USP24: variants seen among roughly 807,000 people sequenced by gnomAD.
USP24 encodes the protein ubiquitin carboxyl-terminal hydrolase 24.
Under a neutral mutation model 361.6 loss-of-function variants are expected in USP24, and 97 were observed. That is an observed-to-expected ratio of 0.27 (90% confidence interval 0.23 to 0.32). USP24 has a LOEUF of 0.32. USP24 is among the 10% of genes least tolerant of loss of function. The probability of loss-of-function intolerance (pLI) is 1.00; values close to 1 mark genes in which losing one functional copy is unlikely to be tolerated. For missense variants in USP24, 2,353 were observed against 3,165.6 expected (o/e 0.74, Z 6.16); for synonymous variants, 1,098 against 1,124.6 (o/e 0.98, Z 0.47).
At position 55,215,175 on chromosome 1, in the gene USP24, G is replaced by A. The variant is rs1164860443; in HGVS notation, c.-62C>T. On this transcript the variant is annotated 5_prime_UTR_variant, in exon 1 of 68. Coordinates refer to ENST00000294383, the MANE Select transcript of USP24 (RefSeq NM_015306.3). ...CGAAGCTACGGGTCCCGGGCCTGGC[G>A]GGCCGCGCGGCGCACCCTCCGCGCC... 50 of 1,191,208 alleles carry A rather than the reference G, an allele frequency of 4.2e-5. No homozygotes were observed. Among genetic ancestry groups the A allele is most frequent in the Middle Eastern group, 2.9e-4 (1 of 3,478 alleles). The allele number at this position is 1,191,208 out of a possible 1,614,324, so 73.8% of individuals were successfully genotyped here. A position where few individuals can be genotyped will look rare whatever the true frequency, so the allele number is the denominator to read the frequency against.
intron 59 of USP24, among the ~76,000 whole-genome samples, chr1:55,080,885 A>G (rs1045240381): frequency 6.6e-6 from 1 of 152,184 alleles, no homozygotes; most frequent in Non-Finnish European, 1.5e-5. Flanking sequence ...TGTTTTTACA[A>G]AGTACTTTAT....
At chr1:55,165,218 A>G (rs1648705129) in intron 7 of USP24, among the ~76,000 whole-genome samples, 3 of 152,162 alleles carry the variant, frequency 2.0e-5, no homozygotes, top group Admixed American at 2.0e-4. Flanking sequence ...TGTACTGATC[A>G]AATTACAGCA....
intron 52 of USP24, chr1:55,093,651 C>T (rs963677206): frequency 2.5e-5 from 7 of 274,662 alleles, no homozygotes; most frequent in Non-Finnish European, 4.8e-5. Flanking sequence ...CTTTACTGCC[C>T]ACTCCCCACA....
chr1:55,069,012 T>C lies in USP24; in HGVS notation c.*33A>G. On this transcript the variant is annotated 3_prime_UTR_variant, in exon 68 of 68. Transcript: ENST00000294383. ...AGAAGGTGCTGAGCATCCAGTATTGTGTCTTGACTCCTCTCAGGCTGGGCA... is the reference window on the plus strand; with the variant it reads ...AGAAGGTGCTGAGCATCCAGTATTGCGTCTTGACTCCTCTCAGGCTGGGCA... 6.2e-7 allele frequency: 1 copy of C among 1,611,252 alleles called. No homozygotes were observed. The highest frequency in any genetic ancestry group is 1.1e-5 in the South Asian group (1 of 91,030).
rs965235084 is a variant in USP24 at position 55,096,400 on chromosome 1, CAA to C, written c.6061+96_6061+97del. 3 of 1,047,790 alleles carry C rather than the reference CAA, an allele frequency of 2.9e-6. No homozygotes were observed. In the African/African-American group the frequency reaches 5.0e-5, roughly 18 times the overall value. The allele number at this position is 1,047,790 out of a possible 1,614,324, so 64.9% of individuals were successfully genotyped here. ...TAGAACAGTAGTACAATAAAAATAA[CAA>C]AATCTGTTGTGTTTTTATATAAAGA... is the stretch of plus-strand genomic sequence containing the variant. On this transcript the variant is annotated intron_variant, in intron 50 of 67. Coordinates refer to ENST00000294383, the MANE Select transcript of USP24 (RefSeq NM_015306.3).
chr1:55,072,769 A>C lies in USP24; in HGVS notation c.7602+17T>G, dbSNP rs1644946464. ...TGATTCCTATGTTACAGCTAGAAAA[A>C]TTCAATGTTCAGTTACCTTCTTCTG... On this transcript the variant is annotated intron_variant, in intron 65 of 67. Transcript: ENST00000294383. 1 of 1,578,582 alleles carries C rather than the reference A, an allele frequency of 6.3e-7. No homozygotes were observed. Among genetic ancestry groups the C allele is most frequent in the Non-Finnish European group, 8.6e-7 (1 of 1,162,688 alleles).
At chr1:55,171,745 A>T in intron 4 of USP24, 67 bp from the exon 5 acceptor site, 6 of 1,503,022 alleles carry the variant, frequency 4.0e-6, no homozygotes, top group Non-Finnish European at 5.4e-6. Flanking sequence ...AGCATTAGAA[A>T]AGAAGATAAA....
Position 55,215,164 on chromosome 1 carries a change from C to A in USP24, c.-51G>T. Reference sequence around the variant, plus strand: ...CCAGCGCACGGCGAAGCTACGGGTCCCGGGCCTGGCGGGCCGCGCGGCGCA... The same window carrying A: ...CCAGCGCACGGCGAAGCTACGGGTCACGGGCCTGGCGGGCCGCGCGGCGCA... On this transcript the variant is annotated 5_prime_UTR_variant, in exon 1 of 68. Transcript: ENST00000294383. 1.7e-6 allele frequency: 2 copies of A among 1,202,380 alleles called. No homozygotes were observed. Among genetic ancestry groups the A allele is most frequent in the Non-Finnish European group, 2.1e-6 (2 of 966,802 alleles). 74.5% of individuals were successfully genotyped at this position (1,202,380 alleles called of 1,614,324 possible). A position where few individuals can be genotyped will look rare whatever the true frequency, so the allele number is the denominator to read the frequency against.
chr1:55,120,335 C>A (rs1482107008), intron 38 of USP24, among the ~76,000 whole-genome samples: 1 of 152,132 alleles, frequency 6.6e-6, no homozygotes, highest in East Asian at 1.9e-4. Flanking sequence ...CAGGCTCTCA[C>A]CAATCAGGTG....
chr1:55,159,555 T>A, intron 9 of USP24, 56 bp downstream of exon 9: 1 of 1,472,642 alleles, frequency 6.8e-7, no homozygotes. Flanking sequence ...AAGTCCTGGC[T>A]CTGCTTCTGT....
In USP24 at chr1:55,157,029, G is replaced by A; in HGVS notation, c.1365C>T (p.Tyr455=). ...CAATAATTCCCTTTATACGGTCACA[G>A]TATTGTGCTTGGTCTATGTTGCCTA... ...ALEGNIDQAQ[Y]CDRIKGIIEL... Residue 455 remains tyrosine (Y), a synonymous_variant, in exon 12 of 68, where the codon TAC becomes TAT. Coordinates refer to ENST00000294383, the MANE Select transcript of USP24 (RefSeq NM_015306.3). 6.2e-7 allele frequency: 1 copy of A among 1,613,102 alleles called. No homozygotes were observed. Among genetic ancestry groups the A allele is most frequent in the Non-Finnish European group, 8.5e-7 (1 of 1,179,406 alleles).
intron 1 of USP24, among the ~76,000 whole-genome samples, chr1:55,207,626 T>C (rs1191093175): frequency 6.6e-6 from 1 of 152,172 alleles, no homozygotes; most frequent in Non-Finnish European, 1.5e-5. Flanking sequence ...GTATTATGAG[T>C]AATCTAGGGA....
chr1:55,097,206 A>G (rs1645515774), intron 48 of USP24, 34 bp from the exon 49 acceptor site: 3 of 1,607,646 alleles, frequency 1.9e-6, no homozygotes, highest in African/African-American at 1.3e-5. Context: ...ATTAACGTTG[A>G]TTACTAACAT....
chr1:55,119,032 C>T (rs1646201462), intron 38 of USP24, among the ~76,000 whole-genome samples: 1 of 152,178 alleles, frequency 6.6e-6, no homozygotes. Flanking sequence ...AGAAATCAAA[C>T]ACAGAATTAC....
At chr1:55,157,161 A>G in intron 11 of USP24, 95 bp downstream of exon 11, 1 of 1,345,332 alleles carries the variant, frequency 7.4e-7, no homozygotes, top group Admixed American at 2.0e-5. Flanking sequence ...TTAAAGACTA[A>G]TACAGTCAAA....
intron 11 of USP24, 66 bp from the exon 12 acceptor site, chr1:55,157,117 A>G (rs1570568977): frequency 1.4e-6 from 2 of 1,455,960 alleles, no homozygotes; most frequent in Non-Finnish European, 1.9e-6. Flanking sequence ...ATATAATTCT[A>G]TTGATTCAAA....
rs1481880421 is a variant in USP24 at position 55,077,232 on chromosome 1, T to C, written c.7380+3A>G. On this transcript the variant is annotated splice_donor_region_variant and intron_variant, in intron 62 of 67. Transcript: ENST00000294383. The stretch of plus-strand genomic sequence containing the variant: ...AAAGTGAGTCAGAACAGTTATGACT[T>C]ACCAATATTTCATGAAGTAGTTGGA... The C allele has an allele frequency of 6.5e-7, 1 of 1,542,376 alleles. No individual in the cohort carries two copies.
At chr1:55,092,280 A>G (rs181586849) in intron 53 of USP24, among the ~76,000 whole-genome samples, 154 bp from the exon 54 acceptor site, 1 of 152,396 alleles carries the variant, frequency 6.6e-6, no homozygotes, top group East Asian at 1.9e-4. Context: ...TTGCCAGTTC[A>G]TTATAAAAAA....
At chr1:55,116,851 C>T (rs1166689320) in intron 38 of USP24, among the ~76,000 whole-genome samples, 1 of 152,148 alleles carries the variant, frequency 6.6e-6, no homozygotes, top group Non-Finnish European at 1.5e-5. Context: ...TATTCTATGA[C>T]ACCAGTATTA....
Sources: allele counts gnomAD v4.1 joint callset (sites outside exome capture counted in the v4.1 genomes callset), GRCh38; gene constraint gnomAD v4.1.1; transcripts MANE v1.5; gene names NCBI Gene and HGNC (gene_info 2026-07-23, HGNC 2026-07-21).